C4orf50: variants seen among roughly 807,000 people sequenced by gnomAD.
C4orf50 encodes the protein uncharacterized protein C4orf50.
C4orf50 carries 80 observed loss-of-function variants against 77.2 expected under a neutral mutation model. The observed-to-expected ratio is 1.04, with a 90% CI of 0.87 to 1.25. The LOEUF (loss-of-function observed/expected upper bound fraction) is 1.25, where lower values mean the gene tolerates loss of function less well. C4orf50 is among the 50% of genes most tolerant of loss of function. C4orf50 has a pLI of 0.00. For missense variants in C4orf50, 1,257 were observed against 1,152.9 expected (o/e 1.09, Z -1.31); for synonymous variants, 532 against 465.3 (o/e 1.14, Z -1.84).
chr4:6,007,935 G>A lies in C4orf50; in HGVS notation c.963+61C>T. 2.5e-6 allele frequency: 1 copy of A among 399,230 alleles called. No homozygotes were observed. Among genetic ancestry groups the A allele is most frequent in the Non-Finnish European group, 4.4e-6 (1 of 226,322 alleles). The allele number at this position is 399,230 out of a possible 1,614,324, so 24.7% of individuals were successfully genotyped here. A position where few individuals can be genotyped will look rare whatever the true frequency, so the allele number is the denominator to read the frequency against. On this transcript the variant is annotated intron_variant, in intron 25 of 33. Transcript: ENST00000531445. This position sits in a 1 kb window ranked among gnomAD's most constrained non-coding sequence, Gnocchi z 4.1. The stretch of plus-strand genomic sequence containing the variant: ...ATGGATGGGCCAATGACTTCACCAA[G>A]TGGCTGGAGGAGAAGGAGAAAGGCA...
At chr4:5,915,416 T>A (rs1036352441) in intron 7 of C4orf50, among the ~76,000 whole-genome samples, 6 of 152,238 alleles carry the variant, frequency 3.9e-5, no homozygotes, top group Admixed American at 2.0e-4. Flanking sequence ...CTTTCTCCTT[T>A]GTCATCTCCT....
At chr4:5,990,885 C>T in intron 27 of C4orf50, 61 bp from the exon 6 acceptor site, 2 of 398,706 alleles carry the variant, frequency 5.0e-6, no homozygotes, top group Non-Finnish European at 8.8e-6. Flanking sequence ...AGCACCCCCA[C>T]CTCCACTCAC....
At chr4:5,967,678 T>C (rs1458664657) in intron 31 of C4orf50, among the ~76,000 whole-genome samples, 1 of 152,094 alleles carries the variant, frequency 6.6e-6, no homozygotes, top group East Asian at 1.9e-4. Context: ...TTAGGAAACA[T>C]GGGCACAAAA....
chr4:5,959,482 A>G lies in C4orf50; in HGVS notation c.4420T>C (p.Ser1474Pro), dbSNP rs765951389. The G allele has an allele frequency of 2.5e-6, 4 of 1,614,184 alleles. No individual in the cohort carries two copies. The South Asian group carries it at 4.4e-5, about 18-fold the overall frequency. Residue 1474 changes from serine to proline, a missense_variant, in exon 34 of 34, where the codon TCT becomes CCT. Transcript: ENST00000531445. Reference sequence around the variant, plus strand: ...ATCCTTGCTGGGCTCAGGAGCTCAGAGGGTGCTGGGACGTTATCGACTTGG... The same window carrying G: ...ATCCTTGCTGGGCTCAGGAGCTCAGGGGGTGCTGGGACGTTATCGACTTGG...
rs1721772135 is a variant in C4orf50, at chr4:6,000,194, TCA to T, written c.964-5720_964-5719del. On this transcript the variant is annotated intron_variant, in intron 25 of 33. Coordinates refer to ENST00000531445, the Ensembl canonical transcript of C4orf50. This position sits in a 1 kb window ranked among gnomAD's most constrained non-coding sequence, Gnocchi z 6.0. ...AAGATGCACTGGCAGCCTTGGGCAG[TCA>T]CACAGCATGCGATGCTCTCTGGACT... Among the ~76,000 whole-genome samples the T allele has an allele frequency of 6.6e-6, 1 of 152,076 alleles. No individual in the cohort carries two copies. Among genetic ancestry groups the T allele is most frequent in the East Asian group, 1.9e-4 (1 of 5,178 alleles).
chr4:5,972,974 G>GGGAAGGAGA (rs1720020741), intron 31 of C4orf50, among the ~76,000 whole-genome samples: 1 of 152,224 alleles, frequency 6.6e-6, no homozygotes, highest in Non-Finnish European at 1.5e-5. Flanking sequence ...TTCCTCTTCT[G>GGGAAGGAGA]TTGACCACTG....
chr4:5,986,342 T>C (rs1577967361), intron 28 of C4orf50, among the ~76,000 whole-genome samples: 1 of 152,156 alleles, frequency 6.6e-6, no homozygotes, highest in East Asian at 1.9e-4. Context: ...CAAGGACAAA[T>C]GTATAACTGA....
intron 7 of C4orf50, chr4:5,904,687 A>G (rs886179830): frequency 6.6e-6 from 1 of 152,174 alleles, no homozygotes; most frequent in East Asian, 1.9e-4. Flanking sequence ...TTGTCTACCA[A>G]TCTTATTTGC....
At chr4:5,937,962 G>A (rs1336510857) in intron 7 of C4orf50, among the ~76,000 whole-genome samples, 4 of 152,066 alleles carry the variant, frequency 2.6e-5, no homozygotes, top group Non-Finnish European at 5.9e-5. Context: ...AAACAGAATC[G>A]CCATAGTTGG....
Position 5,937,035 on chromosome 4 carries a change from A to C in C4orf50, c.*2474+19866T>G, listed in dbSNP as rs190362447. On this transcript the variant is annotated intron_variant, in intron 7 of 7. Transcript: ENST00000324058. ...AAATGATCACCTAACCATAAAAAAAAAATAATGACATTCTCAGGCAAAGAC... is the reference window on the plus strand; with the variant it reads ...AAATGATCACCTAACCATAAAAAAACAATAATGACATTCTCAGGCAAAGAC... 2.6e-5 allele frequency among the ~76,000 whole-genome samples: 4 copies of C among 152,248 alleles called. No individual in the cohort carries two copies. The East Asian group carries it at 7.7e-4, about 29-fold the overall frequency.
chr4:5,917,451 G>T (rs550122451), intron 7 of C4orf50, among the ~76,000 whole-genome samples: 1 of 112,682 alleles, frequency 8.9e-6, no homozygotes, highest in South Asian at 3.1e-4. Context: ...GTCTCGCTCT[G>T]TCACTAGGCT....
chr4:5,949,849 C>T (rs1465664774), intron 7 of C4orf50, among the ~76,000 whole-genome samples: 1 of 151,974 alleles, frequency 6.6e-6, no homozygotes, highest in African/African-American at 2.4e-5. Flanking sequence ...ACTAACCGGG[C>T]ATGGTGGCGG....
At position 5,900,690 on chromosome 4, in the gene C4orf50, T is replaced by G. The variant is rs1716306356; in HGVS notation, c.*2475-2502A>C. ...ACATCCGAACCACGTTCAGTCCCAT[T>G]TGCAGTCAAGTGGCTTTGTCACTGG... is the stretch of plus-strand genomic sequence containing the variant. On this transcript the variant is annotated intron_variant, in intron 7 of 7. Transcript: ENST00000324058. This position sits in a 1 kb window ranked among gnomAD's most constrained non-coding sequence, Gnocchi z 4.3. 6.6e-6 allele frequency: 1 copy of G among 152,256 alleles called. No homozygotes were observed. The highest frequency in any genetic ancestry group is 2.4e-5 in the African/African-American group (1 of 41,470). The allele number at this position is 152,256 out of a possible 1,614,324, so 9.4% of individuals were successfully genotyped here. A position where few individuals can be genotyped will look rare whatever the true frequency, so the allele number is the denominator to read the frequency against.
At position 5,994,813 on chromosome 4, in the gene C4orf50, C is replaced by T. The variant is rs140608510; in HGVS notation, c.964-337G>A. ...GGACCAGACTGGTACAGTCCGTGGC[C>T]TGTTAGGACCTGGGCCGTACAGCAG... is the stretch of plus-strand genomic sequence containing the variant. On this transcript the variant is annotated intron_variant, in intron 25 of 33. Coordinates refer to ENST00000531445, the Ensembl canonical transcript of C4orf50. Among the ~76,000 whole-genome samples the T allele has an allele frequency of 6.7e-3, 1,014 of 152,330 alleles. 18 individuals are homozygous for T. Among genetic ancestry groups the T allele is most frequent in the African/African-American group, 0.023 (945 of 41,572 alleles).
intron 31 of C4orf50, among the ~76,000 whole-genome samples, chr4:5,969,760 G>A (rs1171596973): frequency 6.6e-6 from 1 of 152,146 alleles, no homozygotes; most frequent in African/African-American, 2.4e-5. Flanking sequence ...GGTACGTGAA[G>A]GGCAAGTGCC....
chr4:5,981,005 C>T (rs921236245), intron 28 of C4orf50, among the ~76,000 whole-genome samples: 7 of 152,132 alleles, frequency 4.6e-5, no homozygotes, highest in African/African-American at 1.7e-4. Flanking sequence ...GGAAGTGTGG[C>T]AAAATGGGAG....
Position 6,018,120 on chromosome 4 carries a change from A to G in C4orf50, c.287+25T>C. 1 of 398,580 alleles carries G rather than the reference A, an allele frequency of 2.5e-6. No homozygotes were observed. Among genetic ancestry groups the G allele is most frequent in the Non-Finnish European group, 4.4e-6 (1 of 226,064 alleles). 24.7% of individuals were successfully genotyped at this position (398,580 alleles called of 1,614,324 possible). ...GCCCCGCGGTTTGTGAAATACACAC[A>G]GAGAGATCAAAATGGCATCGCTACC... On this transcript the variant is annotated intron_variant, in intron 23 of 33. Transcript: ENST00000531445. The surrounding 1 kb of genome is among the most constrained non-coding windows in gnomAD (Gnocchi z 5.1).
At chr4:6,014,005 G>T (rs60124896) in intron 23 of C4orf50, among the ~76,000 whole-genome samples, 278 of 97,358 alleles carry the variant, frequency 2.9e-3, no homozygotes, top group Non-Finnish European at 3.6e-3. Flanking sequence ...TAAGTTGTGT[G>T]TTTTTTTTTT....
At chr4:5,989,364 G>A in exon 28 of C4orf50, 3 of 1,536,048 alleles carry the variant, frequency 2.0e-6, no homozygotes, top group Non-Finnish European at 2.6e-6. Context: ...GTGTCCCTGG[G>A]TTACCAGGAA....
Sources: allele counts gnomAD v4.1 joint callset (sites outside exome capture counted in the v4.1 genomes callset), GRCh38; gene constraint gnomAD v4.1.1; non-coding constraint Gnocchi (gnomAD v3.1); transcripts MANE v1.5; gene names NCBI Gene and HGNC (gene_info 2026-07-23, HGNC 2026-07-21).